Variants in CNTN4 observed in about 807,000 individuals in gnomAD.
CNTN4 encodes contactin-4.
In CNTN4, 77 loss-of-function variants were observed where a neutral mutation model predicts 122.5. The ratio of observed to expected loss-of-function variants is 0.63; its 90% CI spans 0.52 to 0.76. CNTN4 has a LOEUF of 0.76. Among genes scored for constraint, CNTN4 ranks in the 30% least tolerant of loss-of-function variants. CNTN4 has a pLI of 0.00. For missense variants in CNTN4, 1,256 were observed against 1,259.1 expected, an observed-to-expected ratio of 1.00 and a Z score of 0.04; for synonymous variants, 512 against 447.0, an observed-to-expected ratio of 1.15 and a Z score of -1.83.
At chr3:2,159,997 T>C (rs780350760) in intron 2 of CNTN4, among the ~76,000 whole-genome samples, 3 of 152,154 alleles carry the variant, frequency 2.0e-5, no homozygotes, top group East Asian at 3.9e-4. Context: ...TTTCTTTGCT[T>C]TGTGTTTCCT....
intron 13 of CNTN4, among the ~76,000 whole-genome samples, chr3:2,982,890 A>T (rs1178741233): frequency 2.0e-5 from 3 of 152,038 alleles, no homozygotes; most frequent in African/African-American, 7.2e-5. Flanking sequence ...GCTTGAGAAC[A>T]AAAACAATAA....
intron 2 of CNTN4, among the ~76,000 whole-genome samples, chr3:2,274,580 A>G (rs1286301381): frequency 7.9e-5 from 12 of 152,070 alleles, no homozygotes; most frequent in Admixed American, 7.2e-4. Flanking sequence ...CTAACAACCA[A>G]TGAATCACCA....
chr3:2,660,743 C>T (rs570107129), intron 4 of CNTN4, among the ~76,000 whole-genome samples: 3 of 152,288 alleles, frequency 2.0e-5, no homozygotes, highest in South Asian at 2.1e-4. Flanking sequence ...ATCCTCAAAA[C>T]GGGAACACAC....
intron 2 of CNTN4, among the ~76,000 whole-genome samples, chr3:2,329,171 A>G (rs944401716): frequency 2.6e-5 from 4 of 152,230 alleles, no homozygotes; most frequent in African/African-American, 7.2e-5. Context: ...TGTTTACAAA[A>G]TAAAAATAAT....
At chr3:3,001,581 T>C (rs2125403802) in intron 14 of CNTN4, among the ~76,000 whole-genome samples, 1 of 152,324 alleles carries the variant, frequency 6.6e-6, no homozygotes, top group South Asian at 2.1e-4. Flanking sequence ...GGGGCATGTA[T>C]TCTCTAAACT....
intron 3 of CNTN4, among the ~76,000 whole-genome samples, chr3:2,395,690 A>T (rs2046615854): frequency 6.6e-6 from 1 of 152,098 alleles, no homozygotes; most frequent in Non-Finnish European, 1.5e-5. Flanking sequence ...ATAAGTGAGT[A>T]CATGTGGTAT....
chr3:2,316,092 G>A (rs1453391897), intron 2 of CNTN4, among the ~76,000 whole-genome samples: 3 of 151,926 alleles, frequency 2.0e-5, no homozygotes, highest in Admixed American at 2.0e-4. Context: ...TGATTTTGAA[G>A]ATGTGGGTCA....
chr3:2,631,753 G>T (rs1274479806), intron 4 of CNTN4, among the ~76,000 whole-genome samples: 3 of 150,900 alleles, frequency 2.0e-5, no homozygotes, highest in Admixed American at 6.6e-5. Context: ...TTCTGGCCAG[G>T]CATGATGACT....
chr3:2,912,906 C>A (rs1027121616), intron 12 of CNTN4, among the ~76,000 whole-genome samples: 16 of 152,210 alleles, frequency 1.1e-4, no homozygotes, highest in African/African-American at 3.9e-4. Context: ...AATCCCAGCA[C>A]TTTGGGAGGC....
intron 3 of CNTN4, among the ~76,000 whole-genome samples, chr3:2,376,478 G>T (rs10510190): frequency 0.12 from 17,647 of 152,082 alleles, 1,304 homozygotes; most frequent in Non-Finnish European, 0.16. Context: ...CACAGAGGCG[G>T]TAATATTTGA....
intron 3 of CNTN4, among the ~76,000 whole-genome samples, chr3:2,372,824 G>A (rs1411601167): frequency 6.6e-6 from 1 of 152,100 alleles, no homozygotes; most frequent in African/African-American, 2.4e-5. Flanking sequence ...GCTGAGGTGG[G>A]CGGATCACTG....
chr3:2,904,933 T>G (rs984592630), intron 12 of CNTN4, among the ~76,000 whole-genome samples: 1 of 152,132 alleles, frequency 6.6e-6, no homozygotes, highest in South Asian at 2.1e-4. Context: ...ATAAGAAAAT[T>G]TGATAGAAAC....
intron 13 of CNTN4, among the ~76,000 whole-genome samples, chr3:2,953,118 G>A (rs1346300177): frequency 6.6e-6 from 1 of 152,144 alleles, no homozygotes; most frequent in Non-Finnish European, 1.5e-5. Context: ...TCCACTATAT[G>A]AAGCATCTTG....
chr3:2,500,683 A>C, intron 3 of CNTN4, among the ~76,000 whole-genome samples: 1 of 151,838 alleles, frequency 6.6e-6, no homozygotes, highest in East Asian at 1.9e-4. Context: ...TTTTTTTCTG[A>C]AGACAACTTT....
At chr3:2,448,143 A>G (rs1421010968) in intron 3 of CNTN4, among the ~76,000 whole-genome samples, 2 of 152,180 alleles carry the variant, frequency 1.3e-5, no homozygotes, top group Non-Finnish European at 2.9e-5. Context: ...GTGGTCCCCT[A>G]TGATGAGGTG....
chr3:2,287,669 A>AGAGGAAGAG (rs1245517021), intron 2 of CNTN4, among the ~76,000 whole-genome samples: 2 of 56,920 alleles, frequency 3.5e-5, no homozygotes, highest in Non-Finnish European at 4.0e-5. Flanking sequence ...AAGAAGAAGA[A>AGAGGAAGAG]GAAGAAGAAG....
chr3:2,517,339 C>A (rs1401965350), intron 3 of CNTN4, among the ~76,000 whole-genome samples: 1 of 152,032 alleles, frequency 6.6e-6, no homozygotes, highest in Non-Finnish European at 1.5e-5. Flanking sequence ...AACTATATAG[C>A]AGTTTTTACA....
intron 4 of CNTN4, among the ~76,000 whole-genome samples, chr3:2,626,034 A>T (rs1235092656): frequency 6.6e-6 from 1 of 152,206 alleles, no homozygotes. Context: ...ATTTGCAATT[A>T]GACGTCTCCT....
At chr3:2,299,855 A>G (rs2042442447) in intron 2 of CNTN4, among the ~76,000 whole-genome samples, 1 of 152,204 alleles carries the variant, frequency 6.6e-6, no homozygotes, top group Non-Finnish European at 1.5e-5. Flanking sequence ...AAAACATAAT[A>G]GTAAATATGT....
Sources: gnomAD v4.1 joint callset for allele counts (sites outside exome capture counted in the v4.1 genomes callset) on GRCh38, gnomAD v4.1.1 for gene constraint, MANE v1.5 for transcripts, NCBI Gene and HGNC (gene_info 2026-07-23, HGNC 2026-07-21) for gene names.